SLC2A13: variants seen among roughly 807,000 people sequenced by gnomAD.
The protein encoded by SLC2A13 is proton myo-inositol cotransporter.
SLC2A13 carries 32 observed loss-of-function variants against 64.4 expected under a neutral mutation model. The observed-to-expected ratio is 0.50, with a 90% CI of 0.37 to 0.67. The LOEUF (loss-of-function observed/expected upper bound fraction) is 0.67. Ranked by LOEUF, SLC2A13 falls within the 30% of genes least tolerant of loss-of-function variation. SLC2A13 has a pLI of 0.00. For synonymous variants in SLC2A13, 338 were observed against 327.1 expected (o/e 1.03, Z -0.36); for missense variants, 743 against 829.2 (o/e 0.90, Z 1.28).
chr12:39,834,816 A>C (rs1476668370), intron 6 of SLC2A13, among the ~76,000 whole-genome samples: 1 of 152,064 alleles, frequency 6.6e-6, no homozygotes, highest in Non-Finnish European at 1.5e-5. Context: ...AATTCTTCCA[A>C]ATATTACAAG....
chr12:39,812,861 G>C (rs1942224905), intron 7 of SLC2A13, among the ~76,000 whole-genome samples: 1 of 140,994 alleles, frequency 7.1e-6, no homozygotes, highest in Admixed American at 7.1e-5. Context: ...TTGAGATAGA[G>C]TCTCACTCTG....
Position 40,105,606 on chromosome 12 carries a change from G to A in SLC2A13, c.203C>T (p.Ala68Val), listed in dbSNP as rs1158042385. Residue 68 changes from alanine (A) to valine (V), a missense_variant, in exon 1 of 10, where the codon GCG (alanine) becomes GTG (valine). Physicochemically the swap from Ala to Val is moderately conservative, Grantham distance 64. Coordinates refer to ENST00000280871, the MANE Select transcript of SLC2A13 (RefSeq NM_052885.4). The surrounding 1 kb of genome is among the most constrained non-coding windows in gnomAD (Gnocchi z 4.2). ...GGGVGDLERA[A>V]RRQFQQDETP... ...CTCGTCCTGCTGGAACTGCCGCCGC[G>A]CCGCGCGCTCCAGGTCCCCGACGCC... is the stretch of plus-strand genomic sequence containing the variant. The A allele has an allele frequency of 6.6e-7, 1 of 1,520,772 alleles. No individual in the cohort carries two copies. The highest frequency in any genetic ancestry group is 8.8e-7 in the Non-Finnish European group (1 of 1,136,648). The allele number at this position is 1,520,772 out of a possible 1,614,324, so 94.2% of individuals were successfully genotyped here.
chr12:40,044,014 G>C (rs1047542079), intron 2 of SLC2A13, among the ~76,000 whole-genome samples: 1 of 152,076 alleles, frequency 6.6e-6, no homozygotes, highest in African/African-American at 2.4e-5. Flanking sequence ...AGAAGTAAAC[G>C]CTTATGTCTA....
At chr12:39,773,130 G>T (rs555845735) in intron 7 of SLC2A13, among the ~76,000 whole-genome samples, 8 of 152,228 alleles carry the variant, frequency 5.3e-5, no homozygotes, top group African/African-American at 1.9e-4. Context: ...TTTGACATCA[G>T]TGTGTGGGCT....
chr12:40,102,712 G>C (rs1006539474), intron 1 of SLC2A13, among the ~76,000 whole-genome samples: 3 of 151,994 alleles, frequency 2.0e-5, no homozygotes, highest in African/African-American at 7.3e-5. Flanking sequence ...AAAAACAATG[G>C]CATAAAATTA....
intron 4 of SLC2A13, among the ~76,000 whole-genome samples, chr12:39,916,971 G>C (rs1011256287): frequency 1.3e-5 from 2 of 152,046 alleles, no homozygotes; most frequent in Non-Finnish European, 2.9e-5. Flanking sequence ...CTATGAGAAT[G>C]CTCTCCTGTA....
At chr12:39,977,318 T>G (rs192866722) in intron 3 of SLC2A13, among the ~76,000 whole-genome samples, 3 of 152,318 alleles carry the variant, frequency 2.0e-5, no homozygotes, top group African/African-American at 7.2e-5. Context: ...CCCTCAAAGT[T>G]TCTAATGTTC....
chr12:40,001,475 C>T (rs1053078118), intron 3 of SLC2A13, among the ~76,000 whole-genome samples: 1 of 152,160 alleles, frequency 6.6e-6, no homozygotes, highest in African/African-American at 2.4e-5. Flanking sequence ...ACAGTCTTCA[C>T]CATTCTTAAA....
intron 4 of SLC2A13, among the ~76,000 whole-genome samples, chr12:39,921,277 T>C (rs959011869): frequency 1.3e-5 from 2 of 152,002 alleles, no homozygotes; most frequent in African/African-American, 4.8e-5. Flanking sequence ...TGCTAGAAAA[T>C]GATGATCTTC....
At chr12:39,993,623 T>C (rs1947175859) in intron 3 of SLC2A13, among the ~76,000 whole-genome samples, 1 of 152,246 alleles carries the variant, frequency 6.6e-6, no homozygotes, top group Non-Finnish European at 1.5e-5. Flanking sequence ...GTGATGTTTT[T>C]CCAGAGAAAC....
At chr12:39,976,267 A>G (rs1313516152) in intron 3 of SLC2A13, among the ~76,000 whole-genome samples, 1 of 152,182 alleles carries the variant, frequency 6.6e-6, no homozygotes, top group Non-Finnish European at 1.5e-5. Context: ...GTCAAATGCA[A>G]TTCACCATCA....
intron 3 of SLC2A13, among the ~76,000 whole-genome samples, chr12:40,023,241 T>A (rs1354270973): frequency 6.6e-6 from 1 of 152,168 alleles, no homozygotes; most frequent in East Asian, 1.9e-4. Flanking sequence ...CTTAGCACAA[T>A]GATCCTGCCT....
intron 4 of SLC2A13, among the ~76,000 whole-genome samples, chr12:39,906,129 GAACTTT>G (rs1565535275): frequency 4.1e-3 from 2 of 482 alleles, no homozygotes; most frequent in Non-Finnish European, 0.019. Flanking sequence ...TGCAGATACA[GAACTTT>G]GAACTTTGTT....
At chr12:39,957,934 G>A (rs1946344988) in intron 3 of SLC2A13, among the ~76,000 whole-genome samples, 1 of 152,084 alleles carries the variant, frequency 6.6e-6, no homozygotes, top group Non-Finnish European at 1.5e-5. Context: ...AACAAGCTAT[G>A]CCACAATGGT....
intron 1 of SLC2A13, among the ~76,000 whole-genome samples, chr12:40,056,529 C>T (rs148090753): frequency 1.3e-5 from 2 of 152,036 alleles, no homozygotes; most frequent in African/African-American, 4.8e-5. Context: ...ATGCTTTCCC[C>T]AAGGCAGTGA....
chr12:40,014,815 C>T (rs144157131), intron 3 of SLC2A13, among the ~76,000 whole-genome samples: 2 of 152,256 alleles, frequency 1.3e-5, no homozygotes, highest in East Asian at 3.9e-4. Flanking sequence ...GAATTATCAC[C>T]TTCATATTCA....
intron 7 of SLC2A13, among the ~76,000 whole-genome samples, chr12:39,769,428 T>A (rs1287226367): frequency 6.6e-6 from 1 of 152,132 alleles, no homozygotes; most frequent in Admixed American, 6.6e-5. Context: ...CAACTGGAAT[T>A]CTTTTAAAAG....
At chr12:39,898,725 A>C (rs1053140905) in intron 4 of SLC2A13, among the ~76,000 whole-genome samples, 2 of 152,162 alleles carry the variant, frequency 1.3e-5, no homozygotes, top group Non-Finnish European at 2.9e-5. Context: ...AATCTGGGGC[A>C]TGTGTTCATG....
intron 7 of SLC2A13, among the ~76,000 whole-genome samples, chr12:39,802,890 A>G (rs1377998480): frequency 6.6e-6 from 1 of 152,192 alleles, no homozygotes; most frequent in Non-Finnish European, 1.5e-5. Flanking sequence ...AGGGGAATTA[A>G]CATCAAAATA....
Sources: gnomAD v4.1 joint callset for allele counts (sites outside exome capture counted in the v4.1 genomes callset) on GRCh38, gnomAD v4.1.1 for gene constraint, Gnocchi (gnomAD v3.1) non-coding constraint, MANE v1.5 for transcripts, NCBI Gene and HGNC (gene_info 2026-07-23, HGNC 2026-07-21) for gene names.